The following EFHB variants were observed in gnomAD, a reference collection of about 807,000 sequenced individuals.
EFHB encodes EF-hand domain-containing family member B.
A neutral mutation model predicts 87.2 loss-of-function variants in EFHB; 91 were observed. The ratio of observed to expected loss-of-function variants is 1.04; its 90% CI spans 0.88 to 1.24. The LOEUF (loss-of-function observed/expected upper bound fraction) is 1.24. EFHB is among the 50% of genes most tolerant of loss of function. The pLI is 0.00. For synonymous variants in EFHB, 325 were observed against 333.6 expected (o/e 0.97, Z 0.28); for missense variants, 1,084 against 998.8 (o/e 1.09, Z -1.15).
At chr3:19,943,634 G>T (rs1047484977) in intron 1 of EFHB, among the ~76,000 whole-genome samples, 2 of 152,074 alleles carry the variant, frequency 1.3e-5, no homozygotes, top group East Asian at 1.9e-4. Context: ...ATTACTTATT[G>T]TAAGTAATCT....
At chr3:19,922,710 A>T (rs1267477728) in intron 1 of EFHB, among the ~76,000 whole-genome samples, 1 of 152,110 alleles carries the variant, frequency 6.6e-6, no homozygotes, top group Admixed American at 6.5e-5. Flanking sequence ...GCCAATAAAT[A>T]AGCTGTGTCA....
At chr3:19,945,752 C>T (rs190308822) in intron 1 of EFHB, among the ~76,000 whole-genome samples, 1 of 152,258 alleles carries the variant, frequency 6.6e-6, no homozygotes, top group Admixed American at 6.5e-5. Flanking sequence ...TTACGTATGA[C>T]ACATTACGTT....
chr3:19,946,046 T>A (rs1045451809), intron 1 of EFHB: 6 of 152,214 alleles, frequency 3.9e-5, no homozygotes, highest in South Asian at 2.1e-4. Flanking sequence ...CGCCAGAGAC[T>A]GAATGTGGTG....
At chr3:19,921,208 T>C (rs755421899) in intron 1 of EFHB, among the ~76,000 whole-genome samples, 6 of 151,448 alleles carry the variant, frequency 4.0e-5, no homozygotes, top group Non-Finnish European at 7.4e-5. Context: ...GATGAATGAG[T>C]AGATGTGGGT....
chr3:19,894,984 C>CAAAAAA lies in EFHB; in HGVS notation c.1725+1697_1725+1702dup, dbSNP rs574397425. 5.0e-4 allele frequency: 60 copies of CAAAAAA among 120,044 alleles called. 1 individual carries two copies. The highest frequency in any genetic ancestry group is 2.1e-3 in the African/African-American group (52 of 24,366). The allele number at this position is 120,044 out of a possible 1,614,324, so 7.4% of individuals were successfully genotyped here. A position where few individuals can be genotyped will look rare whatever the true frequency, so the allele number is the denominator to read the frequency against. On this transcript the variant is annotated intron_variant, in intron 9 of 12. Transcript: ENST00000295824. ...GGGGGACAAGAGCAAGACTTTGTCT[C>CAAAAAA]AAAAAATATATATATGTATATATAA... is the stretch of plus-strand genomic sequence containing the variant.
intron 5 of EFHB, among the ~76,000 whole-genome samples, chr3:19,907,577 C>A (rs537127521): frequency 2.6e-5 from 4 of 152,128 alleles, no homozygotes; most frequent in Non-Finnish European, 5.9e-5. Flanking sequence ...CAGAACATTG[C>A]GACCCTCATA....
intron 12 of EFHB, among the ~76,000 whole-genome samples, chr3:19,880,850 G>C (rs2071658064): frequency 1.3e-5 from 2 of 151,740 alleles, no homozygotes; most frequent in Non-Finnish European, 2.9e-5. Flanking sequence ...AATAAAGTAT[G>C]TGAAAACAAA....
In EFHB at chr3:19,933,997, G is replaced by C; in HGVS notation, c.22C>G (p.Pro8Ala). 1 of 1,606,696 alleles carries C rather than the reference G, an allele frequency of 6.2e-7. No homozygotes were observed. The highest frequency in any genetic ancestry group is 1.7e-5 in the Admixed American group (1 of 58,340). Residue 8 changes from proline (P) to alanine (A), a missense_variant, in exon 1 of 13, where the codon CCC (proline) becomes GCC (alanine). Pro to Ala is a conservative substitution (Grantham distance 27, BLOSUM62 -1). Transcript: ENST00000295824. ...CCTAAATCATCCTTTCCTTCGTGGG[G>C]ATGTCCAATCTCCATGTTCATGGAC... MNMEIGH[P>A]HEGKDDLGDK... is the part of the protein sequence containing the mutation.
In EFHB at chr3:19,898,823, G is replaced by T; in HGVS notation, c.1525C>A (p.Pro509Thr). 5 of 1,613,676 alleles carry T rather than the reference G, an allele frequency of 3.1e-6. No homozygotes were observed. Among genetic ancestry groups the T allele is most frequent in the Non-Finnish European group, 4.2e-6 (5 of 1,179,778 alleles). Residue 509 changes from proline to threonine, a missense_variant, in exon 8 of 13, where the codon CCC (proline) becomes ACC (threonine). Physicochemically the swap from Pro to Thr is conservative, Grantham distance 38. Transcript: ENST00000295824. The stretch of plus-strand genomic sequence containing the variant: ...CAAGCTCCAAATGTGCAGTCTGGGG[G>T]AACATTCATTGTTTCTGCAATGCTA... ...LDPIAETMNV[P>T]PDCTFGACLR...
At chr3:19,936,305 G>A, upstream of EFHB, 1 of 578,614 alleles carries the variant, frequency 1.7e-6, no homozygotes. Context: ...AGCCATCATT[G>A]CACCATTGCA....
chr3:19,908,596 G>A (rs546383856), intron 5 of EFHB, among the ~76,000 whole-genome samples: 3 of 97,100 alleles, frequency 3.1e-5, no homozygotes, highest in Non-Finnish European at 4.3e-5. Context: ...GAGAGAGAGA[G>A]AGAGAAAGAA....
intron 10 of EFHB, among the ~76,000 whole-genome samples, chr3:19,887,766 T>C (rs1037510421): frequency 5.3e-5 from 8 of 152,250 alleles, no homozygotes; most frequent in Admixed American, 2.6e-4. Context: ...ATGTAAACAT[T>C]ATAACATTTG....
intron 12 of EFHB, among the ~76,000 whole-genome samples, chr3:19,880,817 G>A (rs1271804992): frequency 6.6e-6 from 1 of 150,676 alleles, no homozygotes; most frequent in East Asian, 1.9e-4. Context: ...GTAGCGGGAA[G>A]AAACAATAGA....
intron 5 of EFHB, among the ~76,000 whole-genome samples, chr3:19,907,974 T>TA (rs1694894894): frequency 6.6e-6 from 1 of 152,194 alleles, no homozygotes; most frequent in African/African-American, 2.4e-5. Flanking sequence ...AATTGGGCAG[T>TA]AATTTGAGCT....
intron 5 of EFHB, 92 bp from the exon 6 acceptor site, chr3:19,905,841 T>C: frequency 1.4e-6 from 2 of 1,442,340 alleles, no homozygotes; most frequent in South Asian, 3.0e-5. Context: ...ACATTGAAAA[T>C]GAGAATGGAA....
chr3:19,918,390 T>G lies in EFHB; in HGVS notation c.1019A>C (p.Gln340Pro). 2 of 1,602,732 alleles carry G rather than the reference T, an allele frequency of 1.2e-6. No homozygotes were observed. Among genetic ancestry groups the G allele is most frequent in the African/African-American group, 2.7e-5 (2 of 74,188 alleles). The stretch of plus-strand genomic sequence containing the variant: ...TTTCTGTTGAAATGTGGTAATAGGC[T>G]GTGGGTTTATCAATGTGTTTGCCTA... Reference protein sequence around the residue: ...SVLANTLINPQPITTFQQKIK... With the variant: ...SVLANTLINPPPITTFQQKIK... Residue 340 changes from glutamine to proline, a missense_variant, in exon 4 of 13, where the codon CAG becomes CCG. Gln to Pro is a moderately conservative substitution (Grantham distance 76, BLOSUM62 -1). Coordinates refer to ENST00000295824, the MANE Select transcript of EFHB (RefSeq NM_144715.4).
intron 10 of EFHB, among the ~76,000 whole-genome samples, chr3:19,887,589 G>T (rs1371425223): frequency 6.6e-6 from 1 of 152,062 alleles, no homozygotes; most frequent in Non-Finnish European, 1.5e-5. Flanking sequence ...GACCTCACTG[G>T]AAGAAGACTT....
intron 10 of EFHB, among the ~76,000 whole-genome samples, chr3:19,886,255 A>T (rs1694095800): frequency 6.6e-6 from 1 of 152,234 alleles, no homozygotes; most frequent in South Asian, 2.1e-4. Flanking sequence ...TAGTGGATAG[A>T]ATAGAAAGGC....
At chr3:19,880,229 C>CATTCATTT (rs1553627171) in intron 12 of EFHB, among the ~76,000 whole-genome samples, 2 of 147,500 alleles carry the variant, frequency 1.4e-5, no homozygotes, top group Non-Finnish European at 3.0e-5. Context: ...ACATTAGTTT[C>CATTCATTT]ATTTATTTAT....
Sources: allele counts gnomAD v4.1 joint callset (sites outside exome capture counted in the v4.1 genomes callset), GRCh38; gene constraint gnomAD v4.1.1; transcripts MANE v1.5; gene names NCBI Gene and HGNC (gene_info 2026-07-23, HGNC 2026-07-21).